Variants in UMODL1 observed in about 807,000 individuals in gnomAD.
UMODL1 encodes uromodulin like 1.
A neutral mutation model predicts 136.3 loss-of-function variants in UMODL1; 128 were observed. That is an observed-to-expected ratio of 0.94 (90% confidence interval 0.81 to 1.09). UMODL1 has a LOEUF of 1.09. Ranked by LOEUF, UMODL1 falls within the 50% of genes least tolerant of loss-of-function variation. The probability of loss-of-function intolerance (pLI) is 0.00; values close to 1 mark genes in which losing one functional copy is unlikely to be tolerated. For synonymous variants in UMODL1, 721 were observed against 720.0 expected, an observed-to-expected ratio of 1.00 and a Z score of -0.02; for missense variants, 1,766 against 1,725.6, an observed-to-expected ratio of 1.02 and a Z score of -0.41.
chr21:42,076,278 G>T, intron 2 of UMODL1, 31 bp downstream of exon 2: 1 of 1,609,634 alleles, frequency 6.2e-7, no homozygotes, highest in Non-Finnish European at 8.5e-7. Flanking sequence ...CTGGGGCGGG[G>T]CCACCCTTGC....
Position 42,112,743 on chromosome 21 carries a change from G to A in UMODL1, c.2105-830G>A, listed in dbSNP as rs115714806. Among the ~76,000 whole-genome samples, 533 of 152,046 alleles carry A rather than the reference G, an allele frequency of 3.5e-3. 2 individuals are homozygous for A. The highest frequency in any genetic ancestry group is 0.012 in the African/African-American group (509 of 41,424). ...TCTTCACCCCAGATATTGAACCTCT[G>A]CAGATGCTCTGGATTGTCAGCTGTT... On this transcript the variant is annotated intron_variant, in intron 12 of 22. Transcript: ENST00000408910.
At chr21:42,117,311 A>G (rs2066913337) in intron 14 of UMODL1, among the ~76,000 whole-genome samples, 1 of 152,236 alleles carries the variant, frequency 6.6e-6, no homozygotes, top group Admixed American at 6.5e-5. Context: ...GGCATAACCC[A>G]TGCAGTCTCA....
chr21:42,099,135 C>T lies in UMODL1; in HGVS notation c.1141C>T (p.Gln381Ter). Reference sequence around the variant, plus strand: ...GCTGTACAGGGTGAAGACCAGCTACCAGGGGTGCGGGGCCGACGTCTCCAC... The same window carrying T: ...GCTGTACAGGGTGAAGACCAGCTACTAGGGGTGCGGGGCCGACGTCTCCAC... ...GVLYRVKTSY[Q>*]GCGADVSTTL... Residue 381 changes from glutamine (Q) to a stop codon, truncating the protein, a stop_gained, in exon 7 of 23, where the codon CAG (glutamine) becomes TAG (stop). Transcript: ENST00000408910. LOFTEE classifies it high-confidence loss of function. The surrounding 1 kb of genome is among the most constrained non-coding windows in gnomAD (Gnocchi z 4.1). The T allele has an allele frequency of 6.2e-7, 1 of 1,613,736 alleles. No individual in the cohort carries two copies. The highest frequency in any genetic ancestry group is 8.5e-7 in the Non-Finnish European group (1 of 1,180,022).
chr21:42,107,908 G>C (rs539814557), intron 9 of UMODL1, among the ~76,000 whole-genome samples: 8 of 152,324 alleles, frequency 5.3e-5, no homozygotes, highest in African/African-American at 1.7e-4. Flanking sequence ...TCCCAGCTGC[G>C]GGGCCAGTGG....
chr21:42,121,281 A>G, intron 16 of UMODL1, 57 bp downstream of exon 16: 2 of 1,559,584 alleles, frequency 1.3e-6, no homozygotes, highest in Non-Finnish European at 1.7e-6. Flanking sequence ...GTTTTTTTTA[A>G]GGACATTCAC....
chr21:42,102,214 C>T lies in UMODL1; in HGVS notation c.1235C>T (p.Thr412Met), dbSNP rs111565562. Residue 412 changes from threonine (T) to methionine (M), a missense_variant, in exon 8 of 23, where the codon ACG (threonine) becomes ATG (methionine). Transcript: ENST00000408910. ...ATAAAGATTGTAAACCACAACCTGA[C>T]GGAGAAGTTACTCAACCGCAGCAGT... Reference protein sequence around the residue: ...VTIKIVNHNLTEKLLNRSSVE... With the variant: ...VTIKIVNHNLMEKLLNRSSVE... 280 of 1,613,646 alleles carry T rather than the reference C, an allele frequency of 1.7e-4. No individual in the cohort carries two copies. The highest frequency in any genetic ancestry group is 1.9e-4 in the Non-Finnish European group (227 of 1,179,840).
intron 21 of UMODL1, among the ~76,000 whole-genome samples, chr21:42,130,245 T>TGTGCGC (rs377170083): frequency 0.015 from 2,255 of 151,942 alleles, 53 homozygotes; most frequent in African/African-American, 0.051. Flanking sequence ...TGTGTGTGTG[T>TGTGCGC]GCGTGCACAC....
At position 42,113,860 on chromosome 21, in the gene UMODL1, A is replaced by T. The variant is rs543556206; in HGVS notation, c.2362+30A>T. 6.3e-6 allele frequency: 10 copies of T among 1,594,546 alleles called. No homozygotes were observed. The South Asian group carries it at 1.1e-4, about 18-fold the overall frequency. ...TGGGCTTCCATTTGTTTTTAAAGAG[A>T]GGAACAAAAAGTATGAAAAAGACTT... is the stretch of plus-strand genomic sequence containing the variant. On this transcript the variant is annotated intron_variant, in intron 13 of 22. Transcript: ENST00000408910.
intron 2 of UMODL1, among the ~76,000 whole-genome samples, chr21:42,082,159 T>C (rs1377246417): frequency 6.6e-6 from 1 of 152,160 alleles, no homozygotes; most frequent in African/African-American, 2.4e-5. Context: ...CTCTGCATAT[T>C]CCGTGACTCT....
Position 42,090,328 on chromosome 21 carries a change from A to G in UMODL1, c.821A>G (p.Asn274Ser). 6.2e-7 allele frequency: 1 copy of G among 1,614,176 alleles called. No individual in the cohort carries two copies. The highest frequency in any genetic ancestry group is 8.5e-7 in the Non-Finnish European group (1 of 1,180,038). The change falls in exon 6 of 23, where the codon AAT (asparagine) becomes AGT (serine). Residue 274 changes from asparagine (N) to serine (S), a missense_variant. Physicochemically the swap from Asn to Ser is conservative, Grantham distance 46. Transcript: ENST00000408910. The part of the protein sequence containing the change: ...DVNECFYEEL[N>S]ACSGRELCAN... The stretch of plus-strand genomic sequence containing the variant: ...AATGAGTGTTTCTATGAGGAGCTCA[A>G]TGCCTGCTCTGGAAGGGAACTGTGC...
chr21:42,068,802 G>A (rs192692257), upstream of UMODL1, among the ~76,000 whole-genome samples: 16 of 152,332 alleles, frequency 1.1e-4, no homozygotes, highest in African/African-American at 3.6e-4. The surrounding 1 kb of genome is among the most constrained non-coding windows in gnomAD (Gnocchi z 5.5). Context: ...GTGTCTGTAT[G>A]TGTCGGTGCA....
At chr21:42,067,626 C>T (rs868858154), upstream of UMODL1, among the ~76,000 whole-genome samples, 14 of 152,320 alleles carry the variant, frequency 9.2e-5, no homozygotes, top group Middle Eastern at 3.4e-3. Context: ...CACACCGGCA[C>T]GTGCGTGTCC....
chr21:42,066,791 C>T (rs540466871), upstream of UMODL1, among the ~76,000 whole-genome samples: 8 of 152,304 alleles, frequency 5.3e-5, no homozygotes, highest in Non-Finnish European at 7.4e-5. Context: ...GTTGAAAACA[C>T]GCATGCAGTT....
intron 9 of UMODL1, among the ~76,000 whole-genome samples, chr21:42,107,422 C>T (rs1366108225): frequency 1.3e-5 from 2 of 152,200 alleles, no homozygotes; most frequent in Non-Finnish European, 2.9e-5. Context: ...ACCCGCCTCG[C>T]CACTGCGCGA....
At chr21:42,108,337 G>A (rs1449800667) in intron 9 of UMODL1, 1 of 527,256 alleles carries the variant, frequency 1.9e-6, no homozygotes, top group Admixed American at 2.0e-5. Flanking sequence ...AAGAGGTGTG[G>A]GTTGGCACCA....
At chr21:42,106,292 G>A (rs997060371) in intron 9 of UMODL1, among the ~76,000 whole-genome samples, 10 of 152,194 alleles carry the variant, frequency 6.6e-5, no homozygotes, top group African/African-American at 2.4e-5. Context: ...CCTTCACGGC[G>A]AGGATCTGTA....
Position 42,121,215 on chromosome 21 carries a change from C to A in UMODL1, c.2818C>A (p.Pro940Thr). Reference protein sequence around the residue: ...PDFPVEYSERPCEGDSPGNET... With the variant: ...PDFPVEYSERTCEGDSPGNET... ...CTTCCCTGTGGAATATTCTGAGAGACCCTGTGAAGGTAATGTCGTCAGAGT... is the reference window on the plus strand; with the variant it reads ...CTTCCCTGTGGAATATTCTGAGAGAACCTGTGAAGGTAATGTCGTCAGAGT... The change falls in exon 16 of 23, where the codon CCC becomes ACC. Residue 940 changes from proline (P) to threonine (T), a missense_variant. Transcript: ENST00000408910. 2 of 1,611,746 alleles carry A rather than the reference C, an allele frequency of 1.2e-6. No homozygotes were observed. Among genetic ancestry groups the A allele is most frequent in the African/African-American group, 1.3e-5 (1 of 74,898 alleles).
chr21:42,129,168 C>T (rs1242915576), intron 20 of UMODL1, among the ~76,000 whole-genome samples: 1 of 152,142 alleles, frequency 6.6e-6, no homozygotes, highest in Non-Finnish European at 1.5e-5. Context: ...ACCCTGATGA[C>T]CTCAGCTTGA....
At chr21:42,071,204 A>AGT (rs994412368), upstream of UMODL1, 75 of 1,177,654 alleles carry the variant, frequency 6.4e-5, no homozygotes, top group African/African-American at 1.0e-3. Flanking sequence ...CAGGGGACAG[A>AGT]AAGGCCGTTT....
Sources: gnomAD v4.1 joint callset for allele counts (sites outside exome capture counted in the v4.1 genomes callset) on GRCh38, gnomAD v4.1.1 for gene constraint, Gnocchi (gnomAD v3.1) non-coding constraint, MANE v1.5 for transcripts, NCBI Gene and HGNC (gene_info 2026-07-23, HGNC 2026-07-21) for gene names.